USP10: variants seen among roughly 807,000 people sequenced by gnomAD.
USP10 encodes ubiquitin carboxyl-terminal hydrolase 10.
USP10 carries 22 observed loss-of-function variants against 84.5 expected under a neutral mutation model. The ratio of observed to expected loss-of-function variants is 0.26; its 90% confidence interval spans 0.19 to 0.37. The LOEUF is 0.37. Among genes scored for constraint, USP10 ranks in the 10% least tolerant of loss-of-function variants. The pLI, the probability that USP10 is intolerant of heterozygous loss-of-function variation, is 1.00. For missense variants in USP10, 1,019 were observed against 998.9 expected, an observed-to-expected ratio of 1.02 and a Z score of -0.27; for synonymous variants, 454 against 387.6, an observed-to-expected ratio of 1.17 and a Z score of -2.01.
At chr16:84,735,788 G>A (rs1377688334) in intron 2 of USP10, among the ~76,000 whole-genome samples, 1 of 152,046 alleles carries the variant, frequency 6.6e-6, no homozygotes, top group Non-Finnish European at 1.5e-5. Flanking sequence ...TTTAACATAC[G>A]GTGAAGTTTG....
intron 5 of USP10, 56 bp from the exon 6 acceptor site, chr16:84,759,307 A>G: frequency 6.6e-7 from 1 of 1,519,278 alleles, no homozygotes; most frequent in African/African-American, 1.4e-5. Context: ...ATGTGCCTTC[A>G]GGAAATGTGG....
chr16:84,774,481 TTG>T (rs1914773394), intron 12 of USP10, among the ~76,000 whole-genome samples: 1 of 151,478 alleles, frequency 6.6e-6, no homozygotes, highest in Non-Finnish European at 1.5e-5. Context: ...TGTTTTTTTT[TTG>T]TTTGTTTGTT....
At chr16:84,727,814 A>G (rs189223266) in intron 1 of USP10, among the ~76,000 whole-genome samples, 80 of 152,358 alleles carry the variant, frequency 5.3e-4, no homozygotes, top group African/African-American at 1.9e-3. Context: ...GAATAGGCAT[A>G]TTCTCTTAAA....
intron 11 of USP10, 110 bp downstream of exon 11, chr16:84,768,468 A>T: frequency 9.0e-7 from 1 of 1,110,920 alleles, no homozygotes; most frequent in Non-Finnish European, 1.2e-6. Context: ...CTCTTAAATC[A>T]GTTGCTTAAC....
chr16:84,734,974 G>A (rs903391593), intron 2 of USP10, among the ~76,000 whole-genome samples: 1 of 151,900 alleles, frequency 6.6e-6, no homozygotes, highest in Non-Finnish European at 1.5e-5. Flanking sequence ...TGGGCCTATT[G>A]CTTATCTCTG....
chr16:84,772,937 A>C (rs1383959137), intron 12 of USP10, among the ~76,000 whole-genome samples: 2 of 152,346 alleles, frequency 1.3e-5, no homozygotes, highest in Admixed American at 6.5e-5. Flanking sequence ...GCTTTTGTCT[A>C]TCAAAAAGAA....
At chr16:84,742,678 C>A (rs892097574) in intron 3 of USP10, among the ~76,000 whole-genome samples, 6 of 152,300 alleles carry the variant, frequency 3.9e-5, no homozygotes, top group African/African-American at 1.4e-4. Flanking sequence ...GTCTGCCTGG[C>A]ACATTGGGCT....
chr16:84,764,116 A>G lies in USP10; in HGVS notation c.1685A>G (p.His562Arg). The G allele has an allele frequency of 6.2e-7, 1 of 1,613,460 alleles. No individual in the cohort carries two copies. The highest frequency in any genetic ancestry group is 8.5e-7 in the Non-Finnish European group (1 of 1,179,702). Residue 562 changes from histidine to arginine, a missense_variant, in exon 10 of 14, where the codon CAC (histidine) becomes CGC (arginine). By Grantham distance (29) the His-to-Arg change is conservative. Transcript: ENST00000219473. ...ACGATTTCCAACGGCCCCAAAAACC[A>G]CTCGGTCAATGAAGAAGAGCAGGAA... ...KLTISNGPKN[H>R]SVNEEEQEEQ...
intron 2 of USP10, among the ~76,000 whole-genome samples, chr16:84,738,003 G>T (rs1205535263): frequency 1.3e-5 from 2 of 152,256 alleles, no homozygotes; most frequent in Non-Finnish European, 2.9e-5. Context: ...TGTGGGAGTG[G>T]CTGGGAGTTG....
Position 84,723,780 on chromosome 16 carries a change from C to T in USP10, c.22-9655C>T, listed in dbSNP as rs1366537690. On this transcript the variant is annotated intron_variant, in intron 1 of 13. Coordinates refer to ENST00000219473, the MANE Select transcript of USP10 (RefSeq NM_005153.3). ...TTTCACCCATTTAAAGTGTATATTT[C>T]CATGAATTTTAACAGATGTATTCAT... is the stretch of plus-strand genomic sequence containing the variant. 4.6e-5 allele frequency among the ~76,000 whole-genome samples: 7 copies of T among 152,286 alleles called. No individual in the cohort carries two copies. In the East Asian group the frequency reaches 1.3e-3, roughly 29 times the overall value.
At chr16:84,731,628 C>G (rs1039445996) in intron 1 of USP10, among the ~76,000 whole-genome samples, 1 of 152,088 alleles carries the variant, frequency 6.6e-6, no homozygotes, top group African/African-American at 2.4e-5. Context: ...GAACAAAATC[C>G]TTTTTTCTCG....
chr16:84,746,966 C>G (rs1163147642), intron 4 of USP10, among the ~76,000 whole-genome samples: 2 of 152,108 alleles, frequency 1.3e-5, no homozygotes, highest in East Asian at 1.9e-4. Context: ...TTGTTTTTAA[C>G]TTTTTAAACT....
At position 84,764,087 on chromosome 16, in the gene USP10, A is replaced by G. The variant is rs1465098838; in HGVS notation, c.1656A>G (p.Lys552=). ...LKKLLSPSNE[K]LTISNGPKNH... The stretch of plus-strand genomic sequence containing the variant: ...GTAAGCAGATGCTCTCCTTTTCAGA[A>G]CTTACGATTTCCAACGGCCCCAAAA... The change falls in exon 10 of 14, where the codon AAA becomes AAG. Residue 552 remains lysine, a splice_region_variant and synonymous_variant. Coordinates refer to ENST00000219473, the MANE Select transcript of USP10 (RefSeq NM_005153.3). The G allele has an allele frequency of 6.2e-7, 1 of 1,612,602 alleles. No homozygotes were observed. The highest frequency in any genetic ancestry group is 8.5e-7 in the Non-Finnish European group (1 of 1,179,300).
chr16:84,746,913 C>T lies in USP10; in HGVS notation c.1192+1240C>T, dbSNP rs1004498587. Among the ~76,000 whole-genome samples the T allele has an allele frequency of 2.1e-4, 32 of 152,142 alleles. 1 individual carries two copies. The highest frequency in any genetic ancestry group is 7.7e-4 in the African/African-American group (32 of 41,416). ...TACAGCTATACAAAAATATTTTCTT[C>T]CTTTTTATTCTTACTTTCCTATAAG... On this transcript the variant is annotated intron_variant, in intron 4 of 13. Transcript: ENST00000219473.
intron 1 of USP10, chr16:84,732,386 G>A (rs1439907510): frequency 2.6e-6 from 1 of 378,516 alleles, no homozygotes; most frequent in African/African-American, 2.2e-5. Context: ...TTAAATGAAT[G>A]AATCATTGCT....
At chr16:84,758,994 C>G (rs1181227396) in intron 5 of USP10, among the ~76,000 whole-genome samples, 187 bp downstream of exon 5, 2 of 152,214 alleles carry the variant, frequency 1.3e-5, no homozygotes, top group African/African-American at 4.8e-5. Context: ...CCATCTCCCT[C>G]TAAAAGAGAG....
intron 4 of USP10, among the ~76,000 whole-genome samples, chr16:84,756,385 G>C (rs1316703084): frequency 6.6e-6 from 1 of 152,200 alleles, no homozygotes; most frequent in Non-Finnish European, 1.5e-5. Flanking sequence ...TTGAACTCAG[G>C]AGTTCAAGAC....
chr16:84,765,862 G>T (rs938441211), intron 10 of USP10, among the ~76,000 whole-genome samples: 1 of 152,110 alleles, frequency 6.6e-6, no homozygotes, highest in East Asian at 1.9e-4. Flanking sequence ...AAAGTCCTTC[G>T]GAAAGGTTTT....
intron 3 of USP10, among the ~76,000 whole-genome samples, chr16:84,741,193 A>G (rs60566983): frequency 0.19 from 29,513 of 152,204 alleles, 3,493 homozygotes; most frequent in East Asian, 0.38. Flanking sequence ...GAAAAGACTA[A>G]CCAAACGTTT....
Sources: gnomAD v4.1 joint callset for allele counts (sites outside exome capture counted in the v4.1 genomes callset) on GRCh38, gnomAD v4.1.1 for gene constraint, MANE v1.5 for transcripts, NCBI Gene and HGNC (gene_info 2026-07-23, HGNC 2026-07-21) for gene names.